ZNF462: variants seen among roughly 807,000 people sequenced by gnomAD.
ZNF462 encodes zinc finger protein 462, also known as zinc finger PBX1-interacting protein.
A neutral mutation model predicts 201.9 loss-of-function variants in ZNF462; 10 were observed. That is an observed-to-expected ratio of 0.05 (90% CI 0.03 to 0.08). The LOEUF is 0.08. Ranked by LOEUF, ZNF462 falls within the 10% of genes least tolerant of loss-of-function variation. The pLI is 1.00. For synonymous variants in ZNF462, 1,227 were observed against 1,193.3 expected (o/e 1.03, Z -0.58); for missense variants, 2,523 against 3,168.3 (o/e 0.80, Z 4.89).
At chr9:106,860,608 G>A (rs61995959), upstream of ZNF462, among the ~76,000 whole-genome samples, 2,317 of 152,246 alleles carry the variant, frequency 0.015, 70 homozygotes, top group African/African-American at 0.053. The surrounding 1 kb of genome is among the most constrained non-coding windows in gnomAD (Gnocchi z 7.1). Flanking sequence ...GCAGTAATAG[G>A]AGCTTTCAAC....
Position 106,928,951 on chromosome 9 carries a change from G to T in ZNF462, c.5039G>T (p.Arg1680Leu), listed in dbSNP as rs779730327. 6.2e-7 allele frequency: 1 copy of T among 1,614,022 alleles called. No individual in the cohort carries two copies. Residue 1680 changes from arginine to leucine, a missense_variant, in exon 3 of 13, where the codon CGC becomes CTC. This residue lies in a region of ZNF462 where 200 missense variants were observed against 281.3 expected (regional missense o/e 0.71). Transcript: ENST00000277225. This position sits in a 1 kb window ranked among gnomAD's most constrained non-coding sequence, Gnocchi z 9.3. Reference protein sequence around the residue: ...STRKGIARHYRIKHNNVRAQP... With the variant: ...STRKGIARHYLIKHNNVRAQP... ...AGGAAGGGGATCGCCAGGCACTACC[G>T]CATCAAGCACAATAATGTCCGAGCC...
At chr9:106,877,385 TATC>T (rs1303252163) in intron 1 of ZNF462, among the ~76,000 whole-genome samples, 1 of 150,824 alleles carries the variant, frequency 6.6e-6, no homozygotes, top group Non-Finnish European at 1.5e-5. Flanking sequence ...TTATTATTAT[TATC>T]ATTATTATTA....
intron 1 of ZNF462, among the ~76,000 whole-genome samples, chr9:106,888,301 A>G (rs1828420219): frequency 6.6e-6 from 1 of 151,156 alleles, no homozygotes; most frequent in South Asian, 2.1e-4. Context: ...TCGGCCTCCC[A>G]AAGTGCTGGG....
intron 1 of ZNF462, among the ~76,000 whole-genome samples, chr9:106,866,582 C>A (rs1292778252): frequency 6.6e-6 from 1 of 152,086 alleles, no homozygotes; most frequent in African/African-American, 2.4e-5. Context: ...TCTGTTAGAT[C>A]TCTGCTCCTT....
At position 106,935,367 on chromosome 9, in the gene ZNF462, A is replaced by T; in HGVS notation, c.6117-136A>T. On this transcript the variant is annotated intron_variant, in intron 5 of 12. Coordinates refer to ENST00000277225, the MANE Select transcript of ZNF462 (RefSeq NM_021224.6). This position sits in a 1 kb window ranked among gnomAD's most constrained non-coding sequence, Gnocchi z 4.1. The stretch of plus-strand genomic sequence containing the variant: ...TGAAAATTAATTAATTAAATTGATA[A>T]ATGCCATTATTGGAAAGTAAACAAA... The T allele has an allele frequency of 1.6e-6, 1 of 642,036 alleles. No homozygotes were observed. Among genetic ancestry groups the T allele is most frequent in the Non-Finnish European group, 2.7e-6 (1 of 372,418 alleles). 39.8% of individuals were successfully genotyped at this position (642,036 alleles called of 1,614,324 possible). A position where few individuals can be genotyped will look rare whatever the true frequency, so the allele number is the denominator to read the frequency against.
chr9:106,961,591 A>G (rs1831842340), intron 7 of ZNF462, among the ~76,000 whole-genome samples: 1 of 151,754 alleles, frequency 6.6e-6, no homozygotes, highest in Non-Finnish European at 1.5e-5. Flanking sequence ...TAGGCCAGCC[A>G]CTGGACTAAG....
At position 107,006,669 on chromosome 9, in the gene ZNF462, C is replaced by T. The variant is rs554315720; in HGVS notation, c.7190-2876C>T. ...TCCCTGTTCCTTTTCCTGACTTGCA[C>T]TCACCCTCCTACCATGATGCCAGGG... On this transcript the variant is annotated intron_variant, in intron 11 of 12. Coordinates refer to ENST00000277225, the MANE Select transcript of ZNF462 (RefSeq NM_021224.6). The surrounding 1 kb of genome is among the most constrained non-coding windows in gnomAD (Gnocchi z 4.3). Among the ~76,000 whole-genome samples, 2 of 152,216 alleles carry T rather than the reference C, an allele frequency of 1.3e-5. No homozygotes were observed. Among genetic ancestry groups the T allele is most frequent in the African/African-American group, 4.8e-5 (2 of 41,530 alleles).
chr9:106,895,960 A>G lies in ZNF462; in HGVS notation c.-30-27394A>G, dbSNP rs1045853126. Among the ~76,000 whole-genome samples the G allele has an allele frequency of 2.0e-5, 3 of 152,184 alleles. No individual in the cohort carries two copies. Among genetic ancestry groups the G allele is most frequent in the African/African-American group, 7.2e-5 (3 of 41,452 alleles). On this transcript the variant is annotated intron_variant, in intron 1 of 12. Coordinates refer to ENST00000277225, the MANE Select transcript of ZNF462 (RefSeq NM_021224.6). The surrounding 1 kb of genome is among the most constrained non-coding windows in gnomAD (Gnocchi z 4.4). Reference sequence around the variant, plus strand: ...AGAAGAAATGCAATGCAAAAAAAACAAGAACATTCATTATCTAACCCGCCC... The same window carrying G: ...AGAAGAAATGCAATGCAAAAAAAACGAGAACATTCATTATCTAACCCGCCC...
At chr9:107,001,995 T>C (rs563871418) in intron 10 of ZNF462, among the ~76,000 whole-genome samples, 23 of 152,290 alleles carry the variant, frequency 1.5e-4, no homozygotes, top group Admixed American at 3.9e-4. Flanking sequence ...AGTCTCAGTG[T>C]CTAAGGCCTG....
intron 7 of ZNF462, among the ~76,000 whole-genome samples, chr9:106,939,336 G>A (rs1830768044): frequency 1.3e-5 from 2 of 152,182 alleles, no homozygotes; most frequent in Admixed American, 1.3e-4. Context: ...GTGCTCATGG[G>A]AGTGTTGCTA....
intron 9 of ZNF462, among the ~76,000 whole-genome samples, chr9:106,983,263 G>A (rs1441880490): frequency 6.6e-6 from 1 of 152,088 alleles, no homozygotes; most frequent in African/African-American, 2.4e-5. Flanking sequence ...TATGTTAACG[G>A]GAAAAGCACC....
chr9:106,898,258 G>A (rs77699042), intron 1 of ZNF462, among the ~76,000 whole-genome samples: 2,707 of 152,270 alleles, frequency 0.018, 79 homozygotes, highest in African/African-American at 0.061. Flanking sequence ...AACTCACAAT[G>A]CGCTGTGGGG....
intron 1 of ZNF462, among the ~76,000 whole-genome samples, chr9:106,881,322 T>C (rs1828087703): frequency 6.6e-6 from 1 of 152,118 alleles, no homozygotes; most frequent in Admixed American, 6.5e-5. Context: ...TCTGTCAGTA[T>C]TGGTAGGCCT....
At chr9:107,000,053 A>C (rs1022075816) in intron 10 of ZNF462, among the ~76,000 whole-genome samples, 1 of 152,070 alleles carries the variant, frequency 6.6e-6, no homozygotes, top group Non-Finnish European at 1.5e-5. Context: ...AGTTTAGGGA[A>C]GGTCTCCCAG....
chr9:106,994,087 T>C (rs1461414970), intron 10 of ZNF462, among the ~76,000 whole-genome samples: 1 of 152,172 alleles, frequency 6.6e-6, no homozygotes, highest in Non-Finnish European at 1.5e-5. Context: ...ATATTATCTC[T>C]AACTTGGTCC....
chr9:106,905,477 A>G lies in ZNF462; in HGVS notation c.-30-17877A>G, dbSNP rs1829230965. Among the ~76,000 whole-genome samples the G allele has an allele frequency of 6.6e-6, 1 of 152,124 alleles. No homozygotes were observed. The highest frequency in any genetic ancestry group is 2.4e-5 in the African/African-American group (1 of 41,424). On this transcript the variant is annotated intron_variant, in intron 1 of 12. Coordinates refer to ENST00000277225, the MANE Select transcript of ZNF462 (RefSeq NM_021224.6). This position sits in a 1 kb window ranked among gnomAD's most constrained non-coding sequence, Gnocchi z 5.9. Reference sequence around the variant, plus strand: ...AGAGACCAGAGGTGGGCGGGGCCCTAGAATCCCCAAGATTATATGCCCTTT... The same window carrying G: ...AGAGACCAGAGGTGGGCGGGGCCCTGGAATCCCCAAGATTATATGCCCTTT...
intron 7 of ZNF462, among the ~76,000 whole-genome samples, chr9:106,942,017 A>G (rs1431457399): frequency 6.6e-6 from 1 of 152,216 alleles, no homozygotes; most frequent in East Asian, 1.9e-4. Flanking sequence ...ATTGGCTCAC[A>G]GTTAAGGTTT....
rs1359131523 is a variant in ZNF462 at position 106,883,466 on chromosome 9, C to T, written c.-31+20111C>T. ...GTTTGGTAATTCTGATTTTAATCCT[C>T]ACATTTTATCCCAGTTCATTCTAAG... On this transcript the variant is annotated intron_variant, in intron 1 of 12. Coordinates refer to ENST00000277225, the MANE Select transcript of ZNF462 (RefSeq NM_021224.6). The surrounding 1 kb of genome is among the most constrained non-coding windows in gnomAD (Gnocchi z 4.9). Among the ~76,000 whole-genome samples the T allele has an allele frequency of 2.0e-5, 3 of 152,160 alleles. No individual in the cohort carries two copies. Among genetic ancestry groups the T allele is most frequent in the Non-Finnish European group, 2.9e-5 (2 of 68,036 alleles).
Position 106,954,975 on chromosome 9 carries a change from G to T in ZNF462, c.6427+15868G>T, listed in dbSNP as rs1469453769. Among the ~76,000 whole-genome samples the T allele has an allele frequency of 6.6e-6, 1 of 152,096 alleles. No individual in the cohort carries two copies. Among genetic ancestry groups the T allele is most frequent in the East Asian group, 1.9e-4 (1 of 5,194 alleles). On this transcript the variant is annotated intron_variant, in intron 7 of 12. Coordinates refer to ENST00000277225, the MANE Select transcript of ZNF462 (RefSeq NM_021224.6). This position sits in a 1 kb window ranked among gnomAD's most constrained non-coding sequence, Gnocchi z 4.0. ...GAAAATTTGTTGTGTCCTGTAAATA[G>T]TCATGGTAGTAAAGTAGTAAATCAA...
Sources: allele counts gnomAD v4.1 joint callset (sites outside exome capture counted in the v4.1 genomes callset), GRCh38; gene constraint gnomAD v4.1.1; regional missense constraint gnomAD v4.1.1; non-coding constraint Gnocchi (gnomAD v3.1); transcripts MANE v1.5; gene names NCBI Gene and HGNC (gene_info 2026-07-23, HGNC 2026-07-21).